The following PM20D1 variants were observed in gnomAD, a reference collection of about 807,000 sequenced individuals.
The protein encoded by PM20D1 is N-fatty-acyl-amino acid synthase/hydrolase PM20D1.
A neutral mutation model predicts 53.8 loss-of-function variants in PM20D1; 53 were observed. That is an observed-to-expected ratio of 0.98 (90% CI 0.79 to 1.24). The LOEUF (loss-of-function observed/expected upper bound fraction) is 1.24, where lower values mean the gene tolerates loss of function less well. Among genes scored for constraint, PM20D1 ranks in the 50% most tolerant of loss-of-function variants. PM20D1 has a pLI of 0.00. For synonymous variants in PM20D1, 239 were observed against 241.3 expected (o/e 0.99, Z 0.09); for missense variants, 564 against 616.8 (o/e 0.91, Z 0.91).
chr1:205,834,156 CTTTTT>C (rs34037383), intron 10 of PM20D1, among the ~76,000 whole-genome samples: 1 of 126,556 alleles, frequency 7.9e-6, no homozygotes. Flanking sequence ...CCAAGAGTAC[CTTTTT>C]TTTTTTTTTT....
Position 205,828,355 on chromosome 1 carries a change from A to G in PM20D1, c.*265T>C, listed in dbSNP as rs1216701925. 5 of 340,070 alleles carry G rather than the reference A, an allele frequency of 1.5e-5. No homozygotes were observed. Among genetic ancestry groups the G allele is most frequent in the Non-Finnish European group, 2.7e-5 (5 of 185,516 alleles). The allele number at this position is 340,070 out of a possible 1,614,324, so 21.1% of individuals were successfully genotyped here. On this transcript the variant is annotated 3_prime_UTR_variant, in exon 13 of 13. Transcript: ENST00000367136. ...GCCTGGAAGGTGAAGCAGTGAAATAACCAGCATAAGACAGATAAGGGACAA... is the reference window on the plus strand; with the variant it reads ...GCCTGGAAGGTGAAGCAGTGAAATAGCCAGCATAAGACAGATAAGGGACAA...
At chr1:205,834,006 CCTGA>C (rs1342582578) in intron 10 of PM20D1, among the ~76,000 whole-genome samples, 1 of 146,482 alleles carries the variant, frequency 6.8e-6, no homozygotes, top group Non-Finnish European at 1.5e-5. Context: ...CACCACTATG[CCTGA>C]CTAATTTTTG....
chr1:205,841,631 G>A (rs1656809932), intron 9 of PM20D1, among the ~76,000 whole-genome samples, 180 bp downstream of exon 9: 1 of 152,136 alleles, frequency 6.6e-6, no homozygotes, highest in South Asian at 2.1e-4. Flanking sequence ...GGTGGTACTG[G>A]CAGTTACAAG....
At position 205,849,923 on chromosome 1, in the gene PM20D1, C is replaced by T. The variant is rs753280374; in HGVS notation, c.150G>A (p.Ala50=). The change falls in exon 1 of 13, where the codon GCG becomes GCA. Residue 50 remains alanine, a synonymous_variant. Transcript: ENST00000367136. ...GTTCACCTTTCAGCGCCTCTTTCAT[C>T]GCGACGCGTTCCTCTTTGCTGAACT... The part of the protein sequence containing the change: ...PSQFSKEERV[A]MKEALKGAIQ... The T allele has an allele frequency of 8.7e-6, 14 of 1,612,890 alleles. No individual in the cohort carries two copies. Among genetic ancestry groups the T allele is most frequent in the Non-Finnish European group, 1.2e-5 (14 of 1,179,170 alleles).
Position 205,844,843 on chromosome 1 carries a change from A to T in PM20D1, c.544T>A (p.Ser182Thr). 1 of 1,614,070 alleles carries T rather than the reference A, an allele frequency of 6.2e-7. No homozygotes were observed. The highest frequency in any genetic ancestry group is 8.5e-7 in the Non-Finnish European group (1 of 1,180,010). The change falls in exon 4 of 13, where the codon TCT becomes ACT. Residue 182 changes from serine to threonine, a missense_variant. Ser to Thr is a moderately conservative substitution (Grantham distance 58). Coordinates refer to ENST00000367136, the MANE Select transcript of PM20D1 (RefSeq NM_152491.5). Reference protein sequence around the residue: ...LLIRKYIPRRSFFISLGHDEE... With the variant: ...LLIRKYIPRRTFFISLGHDEE... ...TCATGGCCCAGAGAAATGAAGAAAG[A>T]TCTTCGGGGGATGTACTTCCTGATC...
chr1:205,839,138 C>T (rs1656748873), intron 10 of PM20D1, among the ~76,000 whole-genome samples: 1 of 152,204 alleles, frequency 6.6e-6, no homozygotes. Flanking sequence ...CATACAAGGC[C>T]TAGATCCCTA....
intron 4 of PM20D1, among the ~76,000 whole-genome samples, 153 bp from the exon 5 acceptor site, chr1:205,844,370 T>TA (rs984619172): frequency 2.0e-5 from 3 of 152,172 alleles, no homozygotes; most frequent in Admixed American, 1.3e-4. Flanking sequence ...AATCCTGCCT[T>TA]ACAGAATTCT....
chr1:205,837,905 C>T (rs543535977), intron 10 of PM20D1, among the ~76,000 whole-genome samples: 38 of 152,250 alleles, frequency 2.5e-4, no homozygotes, highest in African/African-American at 9.1e-4. Flanking sequence ...CAGTGATTTC[C>T]TGGCCCCATG....
chr1:205,828,941 G>A (rs534845135), intron 12 of PM20D1, among the ~76,000 whole-genome samples, 198 bp from the exon 13 acceptor site: 1 of 152,214 alleles, frequency 6.6e-6, no homozygotes, highest in Non-Finnish European at 1.5e-5. Flanking sequence ...ATCCATCTAT[G>A]CTCGTGACAA....
intron 10 of PM20D1, among the ~76,000 whole-genome samples, chr1:205,833,791 A>AG (rs34140116): frequency 3.9e-5 from 6 of 152,054 alleles, no homozygotes; most frequent in African/African-American, 9.7e-5. Flanking sequence ...TGCTCTAGAA[A>AG]GGGGGGGTTG....
chr1:205,835,516 G>A (rs1013543737), intron 10 of PM20D1, among the ~76,000 whole-genome samples: 1 of 152,080 alleles, frequency 6.6e-6, no homozygotes, highest in Non-Finnish European at 1.5e-5. Flanking sequence ...GCTGGGCGTG[G>A]TGGCGGGCGC....
chr1:205,845,496 G>A lies in PM20D1; in HGVS notation c.318C>T (p.His106=). 4 of 1,614,240 alleles carry A rather than the reference G, an allele frequency of 2.5e-6. No individual in the cohort carries two copies. The highest frequency in any genetic ancestry group is 3.4e-6 in the Non-Finnish European group (4 of 1,180,048). The change falls in exon 3 of 13, where the codon CAC becomes CAT. Residue 106 remains histidine (H), a synonymous_variant. Transcript: ENST00000367136. ...IQHEVVEEYS[H]LFTIQGSDPS... Reference sequence around the variant, plus strand: ...GGTCCGAGCCTTGGATAGTGAACAGGTGGCTATACTCTTCCACGACTTCAT... The same window carrying A: ...GGTCCGAGCCTTGGATAGTGAACAGATGGCTATACTCTTCCACGACTTCAT...
intron 10 of PM20D1, among the ~76,000 whole-genome samples, chr1:205,839,716 A>G (rs1430568287): frequency 6.6e-6 from 1 of 151,890 alleles, no homozygotes; most frequent in East Asian, 1.9e-4. Context: ...CAAAAATACA[A>G]AGTACAAAAA....
At chr1:205,828,879 G>T in intron 12 of PM20D1, 136 bp from the exon 13 acceptor site, 1 of 1,143,982 alleles carries the variant, frequency 8.7e-7, no homozygotes, top group Non-Finnish European at 1.2e-6. Flanking sequence ...AAAGAGAGGG[G>T]CAAGGGAGGG....
chr1:205,842,281 GTCTC>G, intron 7 of PM20D1, 66 bp from the exon 8 acceptor site: 1 of 1,437,688 alleles, frequency 7.0e-7, no homozygotes, highest in East Asian at 2.3e-5. Context: ...TGAGACCTGA[GTCTC>G]TCTCTACTTT....
Position 205,845,352 on chromosome 1 carries a change from GC to G in PM20D1, c.461del (p.Gly154AlafsTer9), listed in dbSNP as rs1377011853. ...TCACAGAGTTCTTGTCGTCCAGTGT[GC>G]CCCGACCATAGATGATGCCATCACG... ...LERDGIIYGRGTLDDKNSVMA... is the reference protein window; with the variant it reads ...LERDGIIYGRXTLDDKNSVMA... On this transcript the variant is annotated frameshift_variant, in exon 3 of 13. Coordinates refer to ENST00000367136, the MANE Select transcript of PM20D1 (RefSeq NM_152491.5). LOFTEE classifies it high-confidence loss of function. 1 of 1,614,060 alleles carries G rather than the reference GC, an allele frequency of 6.2e-7. No individual in the cohort carries two copies. The highest frequency in any genetic ancestry group is 1.7e-5 in the Admixed American group (1 of 60,028).
intron 5 of PM20D1, 132 bp downstream of exon 5, chr1:205,843,955 A>G (rs574407706): frequency 2.4e-4 from 351 of 1,478,388 alleles, no homozygotes; most frequent in Non-Finnish European, 3.0e-4. Context: ...AGGAGAGGTT[A>G]AAGATTGGGG....
At chr1:205,843,278 C>T (rs1335551336) in intron 6 of PM20D1, among the ~76,000 whole-genome samples, 5 of 152,186 alleles carry the variant, frequency 3.3e-5, no homozygotes, top group African/African-American at 9.7e-5. Flanking sequence ...GACCTAGCTT[C>T]TGCCTGTAGG....
rs745516472 is a variant in PM20D1 at position 205,828,653 on chromosome 1, G to A, written c.1476C>T (p.Asp492=). 1 of 1,614,196 alleles carries A rather than the reference G, an allele frequency of 6.2e-7. No homozygotes were observed. Among genetic ancestry groups the A allele is most frequent in the Admixed American group, 1.7e-5 (1 of 60,024 alleles). The change falls in exon 13 of 13, where the codon GAC becomes GAT. Residue 492 remains aspartate (D), a synonymous_variant. Transcript: ENST00000367136. ...TGTGCAGGTGAGAAACTGGCTCCTG[G>A]TCTGTGTCAGCATTCTGAATCAACT... is the stretch of plus-strand genomic sequence containing the variant. ...IFELIQNADT[D]QEPVSHLHKL
Sources: allele counts gnomAD v4.1 joint callset (sites outside exome capture counted in the v4.1 genomes callset), GRCh38; gene constraint gnomAD v4.1.1; transcripts MANE v1.5; gene names NCBI Gene and HGNC (gene_info 2026-07-23, HGNC 2026-07-21).